The following TTC4 variants were observed in gnomAD, a reference collection of about 807,000 sequenced individuals.
TTC4 encodes tetratricopeptide repeat domain 4.
A neutral mutation model predicts 51.9 loss-of-function variants in TTC4; 36 were observed. That is an observed-to-expected ratio of 0.69 (90% CI 0.53 to 0.92). The LOEUF (loss-of-function observed/expected upper bound fraction) is 0.92, where lower values mean the gene tolerates loss of function less well. Ranked by LOEUF, TTC4 falls within the 40% of genes least tolerant of loss-of-function variation. The pLI is 0.00. For missense variants in TTC4, 399 were observed against 454.6 expected, an observed-to-expected ratio of 0.88 and a Z score of 1.11; for synonymous variants, 144 against 164.2, an observed-to-expected ratio of 0.88 and a Z score of 0.94.
At chr1:54,720,504 TTTTTA>T (rs1645730781) in intron 3 of TTC4, among the ~76,000 whole-genome samples, 2 of 147,844 alleles carry the variant, frequency 1.4e-5, no homozygotes, top group Non-Finnish European at 1.5e-5. Context: ...TTTTTTTTTT[TTTTTA>T]AATAGGCTTC....
rs1470427940 is a variant in TTC4, at chr1:54,741,545, C to A, written c.*32C>A. ...CAGGGCCCCTGGATCTCCTCCCTTACCCTCCTCTGCTGGGAACCTAGCACA... is the reference window on the plus strand; with the variant it reads ...CAGGGCCCCTGGATCTCCTCCCTTAACCTCCTCTGCTGGGAACCTAGCACA... On this transcript the variant is annotated 3_prime_UTR_variant, in exon 10 of 10. Transcript: ENST00000371281. The A allele has an allele frequency of 6.4e-7, 1 of 1,564,446 alleles. No individual in the cohort carries two copies. Among genetic ancestry groups the A allele is most frequent in the Non-Finnish European group, 8.8e-7 (1 of 1,135,626 alleles).
At chr1:54,739,303 A>G (rs1645984629) in intron 9 of TTC4, among the ~76,000 whole-genome samples, 1 of 152,106 alleles carries the variant, frequency 6.6e-6, no homozygotes, top group African/African-American at 2.4e-5. Flanking sequence ...CATGCCAGTG[A>G]CCCGGCTCCT....
At chr1:54,716,136 G>C (rs899534250) in intron 1 of TTC4, 117 bp downstream of exon 1, 1 of 836,954 alleles carries the variant, frequency 1.2e-6, no homozygotes, top group East Asian at 2.7e-5. Flanking sequence ...GCCGATCGCT[G>C]GTTTCTAGTT....
chr1:54,718,672 TC>T (rs1219056330), intron 3 of TTC4, among the ~76,000 whole-genome samples: 1 of 152,236 alleles, frequency 6.6e-6, no homozygotes, highest in African/African-American at 2.4e-5. Flanking sequence ...GTAAGCCTCC[TC>T]TTCAGGTAAC....
Position 54,731,581 on chromosome 1 carries a change from G to T in TTC4, c.777G>T (p.Glu259Asp). Residue 259 changes from glutamate to aspartate, a missense_variant, in exon 7 of 10, where the codon GAG (glutamate) becomes GAT (aspartate). Glu to Asp is a conservative substitution (Grantham distance 45, BLOSUM62 2). This residue lies in a region of TTC4 where 316 missense variants were observed against 349.6 expected (regional missense o/e 0.90). Transcript: ENST00000371281. ...GELFLDGLST[E>D]NPHGARLSLD... ...TTTTCCTGGATGGACTCAGCACTGA[G>T]AACCCCCATGGAGCCAGGCTGAGTC... The T allele has an allele frequency of 6.2e-7, 1 of 1,614,120 alleles. No individual in the cohort carries two copies. The highest frequency in any genetic ancestry group is 8.5e-7 in the Non-Finnish European group (1 of 1,180,020).
chr1:54,722,726 G>A lies in TTC4; in HGVS notation c.521G>A (p.Cys174Tyr), dbSNP rs753869969. ...CACTTTGCCGAGGCCGTGAACTGGT[G>A]TGATGAGGGACTGCAAATAGATGCC... ...LKHFAEAVNW[C>Y]DEGLQIDAKE... Residue 174 changes from cysteine (C) to tyrosine (Y), a missense_variant, in exon 5 of 10, where the codon TGT (cysteine) becomes TAT (tyrosine). By Grantham distance (194) the Cys-to-Tyr change is radical (BLOSUM62 -2). This residue lies in a region of TTC4 where 316 missense variants were observed against 349.6 expected (regional missense o/e 0.90). Coordinates refer to ENST00000371281, the MANE Select transcript of TTC4 (RefSeq NM_004623.5). The A allele has an allele frequency of 3.1e-6, 5 of 1,613,982 alleles. No homozygotes were observed. Among genetic ancestry groups the A allele is most frequent in the African/African-American group, 1.3e-5 (1 of 75,034 alleles).
At chr1:54,732,715 C>T (rs547075412) in intron 7 of TTC4, among the ~76,000 whole-genome samples, 1 of 151,986 alleles carries the variant, frequency 6.6e-6, no homozygotes, top group Non-Finnish European at 1.5e-5. Flanking sequence ...CCACCTCGGC[C>T]TCCCAAAGTG....
intron 4 of TTC4, among the ~76,000 whole-genome samples, chr1:54,721,751 C>T (rs1287996352): frequency 6.6e-6 from 1 of 152,154 alleles, no homozygotes; most frequent in Non-Finnish European, 1.5e-5. Flanking sequence ...ATTAATCTTC[C>T]CTGCATCCCC....
chr1:54,741,145 T>C (rs972471863), intron 9 of TTC4, among the ~76,000 whole-genome samples: 3 of 152,192 alleles, frequency 2.0e-5, no homozygotes, highest in African/African-American at 7.2e-5. Context: ...AATGAATGAA[T>C]AAAACCATGC....
At chr1:54,740,697 G>A (rs1470561570) in intron 9 of TTC4, among the ~76,000 whole-genome samples, 1 of 152,056 alleles carries the variant, frequency 6.6e-6, no homozygotes. Context: ...CACGAAATAG[G>A]CCCTCTGTCC....
intron 9 of TTC4, among the ~76,000 whole-genome samples, chr1:54,737,940 G>A (rs1359965525): frequency 6.6e-6 from 1 of 151,998 alleles, no homozygotes; most frequent in African/African-American, 2.4e-5. Context: ...TGCTCTTGTC[G>A]CCCAGGCTGG....
At chr1:54,730,570 T>G (rs979523331) in intron 6 of TTC4, among the ~76,000 whole-genome samples, 1 of 152,184 alleles carries the variant, frequency 6.6e-6, no homozygotes, top group Admixed American at 6.6e-5. Flanking sequence ...AAGAAAAAGT[T>G]TGCTAACCTC....
At chr1:54,717,771 A>T (rs1371783551) in intron 3 of TTC4, 118 bp downstream of exon 3, 11 of 949,550 alleles carry the variant, frequency 1.2e-5, no homozygotes, top group Non-Finnish European at 2.9e-6. Flanking sequence ...CAGACTAAGG[A>T]TAGTTTACTC....
Position 54,717,543 on chromosome 1 carries a change from A to T in TTC4, c.281A>T (p.Asp94Val), listed in dbSNP as rs766313795. The change falls in exon 3 of 10, where the codon GAC becomes GTC. Residue 94 changes from aspartate to valine, a missense_variant. Asp to Val is a radical substitution (Grantham distance 152). Coordinates refer to ENST00000371281, the MANE Select transcript of TTC4 (RefSeq NM_004623.5). The stretch of plus-strand genomic sequence containing the variant: ...GGCAATGATTACTTTAAAGAAAAAG[A>T]CTACAAGAAAGCTGTAATTTCATAC... ...DEGNDYFKEK[D>V]YKKAVISYTE... 3 of 1,610,390 alleles carry T rather than the reference A, an allele frequency of 1.9e-6. No individual in the cohort carries two copies. The highest frequency in any genetic ancestry group is 2.5e-6 in the Non-Finnish European group (3 of 1,178,918).
At chr1:54,727,688 CAAAAAA>C (rs200521894) in intron 5 of TTC4, among the ~76,000 whole-genome samples, 1 of 43,604 alleles carries the variant, frequency 2.3e-5, no homozygotes, top group African/African-American at 5.7e-5. Context: ...CTCATCTCTA[CAAAAAA>C]AAAAAAAAAA....
chr1:54,741,758 TCG>T lies in TTC4; in HGVS notation c.*247_*248del. 1 of 538,926 alleles carries T rather than the reference TCG, an allele frequency of 1.9e-6. No homozygotes were observed. The highest frequency in any genetic ancestry group is 3.1e-5 in the East Asian group (1 of 32,432). 33.4% of individuals were successfully genotyped at this position (538,926 alleles called of 1,614,324 possible). ...TTGGCCATGATGTCCTTGGACTCCA[TCG>T]CTAAAGGGACCATCTGCTGCAGTTA... On this transcript the variant is annotated 3_prime_UTR_variant, in exon 10 of 10. Coordinates refer to ENST00000371281, the MANE Select transcript of TTC4 (RefSeq NM_004623.5).
In TTC4 at chr1:54,728,183, A is replaced by C. The variant is rs1324753582; in HGVS notation, c.595-163A>C. Among the ~76,000 whole-genome samples, 5 of 152,192 alleles carry C rather than the reference A, an allele frequency of 3.3e-5. 1 individual carries two copies. Among genetic ancestry groups the C allele is most frequent in the African/African-American group, 1.2e-4 (5 of 41,454 alleles). Reference sequence around the variant, plus strand: ...CTGCCACTGGGTCTGACATCTAGGCATGTACTTTGTAAATGTTTATTGAAC... The same window carrying C: ...CTGCCACTGGGTCTGACATCTAGGCCTGTACTTTGTAAATGTTTATTGAAC... On this transcript the variant is annotated intron_variant, in intron 5 of 9. Coordinates refer to ENST00000371281, the MANE Select transcript of TTC4 (RefSeq NM_004623.5).
At chr1:54,733,524 C>A in intron 7 of TTC4, 105 bp from the exon 8 acceptor site, 2 of 799,810 alleles carry the variant, frequency 2.5e-6, no homozygotes, top group Non-Finnish European at 3.8e-6. Flanking sequence ...GCCTGCATTT[C>A]ATGTTTTATA....
At position 54,741,774 on chromosome 1, in the gene TTC4, C is replaced by G. The variant is rs960469572; in HGVS notation, c.*261C>G. 2 of 509,490 alleles carry G rather than the reference C, an allele frequency of 3.9e-6. No homozygotes were observed. Among genetic ancestry groups the G allele is most frequent in the African/African-American group, 3.8e-5 (2 of 52,256 alleles). The allele number at this position is 509,490 out of a possible 1,614,324, so 31.6% of individuals were successfully genotyped here. On this transcript the variant is annotated 3_prime_UTR_variant, in exon 10 of 10. Transcript: ENST00000371281. Reference sequence around the variant, plus strand: ...TGGACTCCATCGCTAAAGGGACCATCTGCTGCAGTTACCACAGCAACTGAC... The same window carrying G: ...TGGACTCCATCGCTAAAGGGACCATGTGCTGCAGTTACCACAGCAACTGAC...
Sources: allele counts gnomAD v4.1 joint callset (sites outside exome capture counted in the v4.1 genomes callset), GRCh38; gene constraint gnomAD v4.1.1; regional missense constraint gnomAD v4.1.1; transcripts MANE v1.5; gene names NCBI Gene and HGNC (gene_info 2026-07-23, HGNC 2026-07-21).